The following SLCO6A1 variants were observed in gnomAD, a reference collection of about 807,000 sequenced individuals.
SLCO6A1 encodes the protein cancer/testis antigen 48.
A neutral mutation model predicts 72.7 loss-of-function variants in SLCO6A1; 65 were observed. That is an observed-to-expected ratio of 0.89 (90% CI 0.73 to 1.10). The LOEUF (loss-of-function observed/expected upper bound fraction) is 1.10. Ranked by LOEUF, SLCO6A1 falls within the 50% of genes least tolerant of loss-of-function variation. The pLI is 0.00. For synonymous variants in SLCO6A1, 314 were observed against 298.2 expected, an observed-to-expected ratio of 1.05 and a Z score of -0.55; for missense variants, 874 against 872.6, an observed-to-expected ratio of 1.00 and a Z score of -0.02.
At chr5:102,402,895 C>G (rs1242306049) in intron 9 of SLCO6A1, among the ~76,000 whole-genome samples, 2 of 152,066 alleles carry the variant, frequency 1.3e-5, no homozygotes. Flanking sequence ...TTGTTAATTA[C>G]TATATAATGT....
At chr5:102,426,082 C>T (rs1028474286) in intron 7 of SLCO6A1, among the ~76,000 whole-genome samples, 1 of 152,152 alleles carries the variant, frequency 6.6e-6, no homozygotes, top group Non-Finnish European at 1.5e-5. Flanking sequence ...AAAACTGAAA[C>T]TGGACCCCTT....
intron 12 of SLCO6A1, among the ~76,000 whole-genome samples, chr5:102,377,899 C>CTT (rs34866181): frequency 1.4e-5 from 2 of 145,474 alleles, no homozygotes; most frequent in Non-Finnish European, 1.5e-5. Flanking sequence ...GTCTTAAACT[C>CTT]TTTTTTTTTT....
intron 6 of SLCO6A1, 127 bp from the exon 7 acceptor site, chr5:102,438,888 G>A (rs1749692500): frequency 1.3e-5 from 1 of 75,558 alleles, no homozygotes; most frequent in African/African-American, 1.7e-4. Flanking sequence ...AAAGATAATT[G>A]ATAGATAGAT....
At chr5:102,447,189 C>A (rs1750160582) in intron 6 of SLCO6A1, among the ~76,000 whole-genome samples, 1 of 152,134 alleles carries the variant, frequency 6.6e-6, no homozygotes, top group African/African-American at 2.4e-5. Context: ...TATGTTGAAC[C>A]AACCTTGCAT....
intron 12 of SLCO6A1, among the ~76,000 whole-genome samples, chr5:102,377,846 A>G (rs917384793): frequency 3.3e-5 from 5 of 150,088 alleles, no homozygotes; most frequent in Non-Finnish European, 7.4e-5. Context: ...TAATTTTTGC[A>G]TATTTTTTGT....
chr5:102,493,771 G>A (rs892192262), intron 1 of SLCO6A1, among the ~76,000 whole-genome samples: 1 of 152,122 alleles, frequency 6.6e-6, no homozygotes, highest in Non-Finnish European at 1.5e-5. Context: ...AATGACTTCT[G>A]TAACTTAATA....
chr5:102,377,215 A>C (rs1745848679), intron 12 of SLCO6A1, among the ~76,000 whole-genome samples: 1 of 151,984 alleles, frequency 6.6e-6, no homozygotes, highest in African/African-American at 2.4e-5. Context: ...CACTGTAAAC[A>C]CTCCAAGTAT....
At chr5:102,415,378 G>T (rs745306205) in intron 8 of SLCO6A1, among the ~76,000 whole-genome samples, 2 of 152,056 alleles carry the variant, frequency 1.3e-5, no homozygotes, top group African/African-American at 4.8e-5. Context: ...CAATGAAATA[G>T]AACAGAAAAC....
Position 102,419,998 on chromosome 5 carries a change from C to T in SLCO6A1, c.1300G>A (p.Ala434Thr), listed in dbSNP as rs1326697108. ...ACACCTCCCAGAAGCTGGCCAAGTGCACCTCCTGGAATTAAAACAAGTCCT... is the reference window on the plus strand; with the variant it reads ...ACACCTCCCAGAAGCTGGCCAAGTGTACCTCCTGGAATTAAAACAAGTCCT... ...LAGLVLIPGG[A>T]LGQLLGGVIV... Residue 434 changes from alanine to threonine, a missense_variant, in exon 8 of 14, where the codon GCA becomes ACA. Coordinates refer to ENST00000506729, the MANE Select transcript of SLCO6A1 (RefSeq NM_173488.5). 1.9e-6 allele frequency: 3 copies of T among 1,576,318 alleles called. No homozygotes were observed. Among genetic ancestry groups the T allele is most frequent in the South Asian group, 2.4e-5 (2 of 83,798 alleles).
At chr5:102,481,938 C>T (rs1325098873) in intron 1 of SLCO6A1, among the ~76,000 whole-genome samples, 1 of 152,000 alleles carries the variant, frequency 6.6e-6, no homozygotes, top group East Asian at 1.9e-4. Flanking sequence ...AATATATTGC[C>T]AAAGAAGCCA....
intron 6 of SLCO6A1, 71 bp from the exon 7 acceptor site, chr5:102,438,832 G>T: frequency 9.0e-7 from 1 of 1,113,880 alleles, no homozygotes; most frequent in Non-Finnish European, 1.2e-6. Context: ...AGAACCAAAT[G>T]CTAATGATCT....
At chr5:102,490,856 C>T (rs1266358818) in intron 1 of SLCO6A1, among the ~76,000 whole-genome samples, 1 of 152,054 alleles carries the variant, frequency 6.6e-6, no homozygotes, top group African/African-American at 2.4e-5. Context: ...GAGTGAGCAG[C>T]AGTAGGATTT....
intron 11 of SLCO6A1, among the ~76,000 whole-genome samples, chr5:102,389,305 A>G (rs1041020115): frequency 1.8e-4 from 28 of 152,184 alleles, no homozygotes; most frequent in African/African-American, 5.5e-4. Context: ...GCATGTTTAT[A>G]GTAGCCCCAG....
intron 6 of SLCO6A1, among the ~76,000 whole-genome samples, chr5:102,447,954 T>C (rs1187087212): frequency 6.6e-6 from 1 of 152,196 alleles, no homozygotes; most frequent in Non-Finnish European, 1.5e-5. Flanking sequence ...TTTCCCTAGG[T>C]GTGACGTTAG....
intron 2 of SLCO6A1, among the ~76,000 whole-genome samples, chr5:102,479,392 C>G (rs1310876230): frequency 6.6e-6 from 1 of 152,108 alleles, no homozygotes; most frequent in African/African-American, 2.4e-5. Flanking sequence ...TCAGGTAGTT[C>G]TTTATAGCAG....
chr5:102,475,934 C>A, intron 3 of SLCO6A1, 141 bp from the exon 4 acceptor site: 1 of 485,616 alleles, frequency 2.1e-6, no homozygotes, highest in Non-Finnish European at 3.6e-6. Context: ...GAAACAAAAT[C>A]AATAAAAGAC....
At chr5:102,418,082 G>A (rs1748388917) in intron 8 of SLCO6A1, among the ~76,000 whole-genome samples, 1 of 151,642 alleles carries the variant, frequency 6.6e-6, no homozygotes, top group Admixed American at 6.6e-5. Flanking sequence ...AAAATTAAAG[G>A]TGACTTTTTT....
rs1372536409 is a variant in SLCO6A1 at position 102,412,999 on chromosome 5, G to A, written c.1617C>T (p.Asn539=). The A allele has an allele frequency of 7.2e-7, 1 of 1,384,308 alleles. No homozygotes were observed. Among genetic ancestry groups the A allele is most frequent in the East Asian group, 2.7e-5 (1 of 36,406 alleles). The allele number at this position is 1,384,308 out of a possible 1,614,324, so 85.8% of individuals were successfully genotyped here. A position where few individuals can be genotyped will look rare whatever the true frequency, so the allele number is the denominator to read the frequency against. ...TATAAAAAATAATTACCTTTTTTTGGTTTTGTGCTTTAGAATATGTACACC... is the reference window on the plus strand; with the variant it reads ...TATAAAAAATAATTACCTTTTTTTGATTTTGTGCTTTAGAATATGTACACC... ...FAGCTYSKAQ[N]QKKMYYNCSC... Residue 539 remains asparagine (N), a synonymous_variant, in exon 9 of 14, where the codon AAC becomes AAT. Coordinates refer to ENST00000506729, the MANE Select transcript of SLCO6A1 (RefSeq NM_173488.5).
intron 7 of SLCO6A1, among the ~76,000 whole-genome samples, chr5:102,431,990 C>T (rs1462433270): frequency 6.6e-6 from 1 of 152,042 alleles, no homozygotes; most frequent in Admixed American, 6.6e-5. Context: ...TATGTAAAGC[C>T]CCTCTTTGTT....
Sources: gnomAD v4.1 joint callset for allele counts (sites outside exome capture counted in the v4.1 genomes callset) on GRCh38, gnomAD v4.1.1 for gene constraint, MANE v1.5 for transcripts, NCBI Gene and HGNC (gene_info 2026-07-23, HGNC 2026-07-21) for gene names.